Variants in SPOCK3 observed in about 807,000 individuals in gnomAD.
The protein encoded by SPOCK3 is testican-3.
In SPOCK3, 30 loss-of-function variants were observed where a neutral mutation model predicts 56.6. The ratio of observed to expected loss-of-function variants is 0.53; its 90% CI spans 0.40 to 0.72. SPOCK3 has a LOEUF of 0.72. SPOCK3 is among the 30% of genes least tolerant of loss of function. The pLI, the probability that SPOCK3 is intolerant of heterozygous loss-of-function variation, is 0.00. For synonymous variants in SPOCK3, 196 were observed against 183.3 expected, an observed-to-expected ratio of 1.07 and a Z score of -0.56; for missense variants, 527 against 530.0, an observed-to-expected ratio of 0.99 and a Z score of 0.06.
At chr4:166,739,993 T>A (rs1307685147) in intron 9 of SPOCK3, among the ~76,000 whole-genome samples, 7 of 152,182 alleles carry the variant, frequency 4.6e-5, no homozygotes. Flanking sequence ...AAATTCACTG[T>A]TGTCACATCT....
At chr4:167,060,512 A>C (rs1052061063) in intron 3 of SPOCK3, among the ~76,000 whole-genome samples, 1 of 152,042 alleles carries the variant, frequency 6.6e-6, no homozygotes, top group African/African-American at 2.4e-5. Flanking sequence ...AAACAAATAC[A>C]CATATCTCAA....
rs1368392643 is a variant in SPOCK3 at position 166,821,131 on chromosome 4, A to G, written c.590-28842T>C. On this transcript the variant is annotated intron_variant, in intron 6 of 10. Transcript: ENST00000357545. ...ACTTAAAATAATCCAGTTGAAATAG[A>G]AAAATCAAATTAAAAATATAAAACA... Among the ~76,000 whole-genome samples the G allele has an allele frequency of 2.0e-5, 3 of 152,084 alleles. No individual in the cohort carries two copies. The East Asian group carries it at 5.8e-4, about 29-fold the overall frequency.
intron 3 of SPOCK3, among the ~76,000 whole-genome samples, chr4:167,027,666 A>G (rs967537429): frequency 2.6e-4 from 39 of 152,072 alleles, no homozygotes; most frequent in African/African-American, 8.4e-4. Flanking sequence ...TTCTTTTTCT[A>G]TATTTCTACA....
intron 2 of SPOCK3, among the ~76,000 whole-genome samples, chr4:167,191,284 A>G (rs1732452874): frequency 6.8e-6 from 1 of 146,046 alleles, no homozygotes; most frequent in South Asian, 2.1e-4. Flanking sequence ...CAAAGCAAGA[A>G]AAGAATGAAG....
chr4:167,096,495 G>C (rs1759164966), intron 2 of SPOCK3, among the ~76,000 whole-genome samples: 1 of 151,592 alleles, frequency 6.6e-6, no homozygotes, highest in African/African-American at 2.4e-5. Flanking sequence ...TAAACATCTT[G>C]ATACTTCTCC....
Position 167,144,774 on chromosome 4 carries a change from ATGT to A in SPOCK3, c.190-82240_190-82238del, listed in dbSNP as rs1763804596. 7.7e-5 allele frequency among the ~76,000 whole-genome samples: 8 copies of A among 103,858 alleles called. 1 individual carries two copies. Among genetic ancestry groups the A allele is most frequent in the Admixed American group, 1.8e-4 (2 of 11,016 alleles). 68.1% of individuals were successfully genotyped at this position (103,858 alleles called of 152,430 possible). A position where few individuals can be genotyped will look rare whatever the true frequency, so the allele number is the denominator to read the frequency against. On this transcript the variant is annotated intron_variant, in intron 2 of 10. Transcript: ENST00000357545. ...GGAAACACAAGTGCAATTAATCTTGATGTGGAAGCAACATATCACATGTTTGAA... is the reference window on the plus strand; with the variant it reads ...GGAAACACAAGTGCAATTAATCTTGAGGAAGCAACATATCACATGTTTGAA...
chr4:166,904,490 C>T (rs905724373), intron 5 of SPOCK3, among the ~76,000 whole-genome samples: 1 of 151,980 alleles, frequency 6.6e-6, no homozygotes, highest in East Asian at 1.9e-4. Context: ...ACTTAATTAC[C>T]TAGAAACTTT....
chr4:166,753,383 A>G (rs1321412963), intron 8 of SPOCK3, among the ~76,000 whole-genome samples: 2 of 152,018 alleles, frequency 1.3e-5, no homozygotes, highest in African/African-American at 4.8e-5. Context: ...TATGTAATGT[A>G]GCCAACAATG....
intron 3 of SPOCK3, among the ~76,000 whole-genome samples, chr4:167,056,085 A>G (rs116399572): frequency 0.041 from 6,233 of 152,246 alleles, 182 homozygotes; most frequent in Middle Eastern, 0.078. Flanking sequence ...TCACATGGAC[A>G]GATACTCCTC....
chr4:166,767,825 A>G (rs921575745), intron 7 of SPOCK3, among the ~76,000 whole-genome samples: 5 of 152,162 alleles, frequency 3.3e-5, no homozygotes, highest in Non-Finnish European at 7.3e-5. Flanking sequence ...TGGGAGTCTA[A>G]GTCTCTTTGT....
At chr4:166,842,991 G>C (rs528320634) in intron 6 of SPOCK3, among the ~76,000 whole-genome samples, 1 of 152,194 alleles carries the variant, frequency 6.6e-6, no homozygotes, top group Non-Finnish European at 1.5e-5. Flanking sequence ...GCTGAGGCCC[G>C]GCGAGAATTC....
rs202226753 is a variant in SPOCK3, at chr4:166,834,805, CTCTT to C, written c.590-42520_590-42517del. Among the ~76,000 whole-genome samples the C allele has an allele frequency of 5.8e-3, 889 of 152,218 alleles. 7 individuals carry two copies. The highest frequency in any genetic ancestry group is 0.02 in the African/African-American group (841 of 41,546). On this transcript the variant is annotated intron_variant, in intron 6 of 10. Transcript: ENST00000357545. ...GATTCTAAGTAATGTTTTTCTCTCT[CTCTT>C]TCTCCCCCATCTTTTTTATCTCTCT...
chr4:167,089,599 T>C (rs1758525518), intron 2 of SPOCK3, among the ~76,000 whole-genome samples: 1 of 152,128 alleles, frequency 6.6e-6, no homozygotes. Flanking sequence ...CAAATCAGAC[T>C]TTTAAAAAAA....
In SPOCK3 at chr4:167,192,270, G is replaced by T. The variant is rs367952825; in HGVS notation, c.189+41715C>A. Among the ~76,000 whole-genome samples the T allele has an allele frequency of 1.2e-3, 172 of 145,600 alleles. 11 individuals are homozygous for T. In the South Asian group the frequency reaches 0.036, roughly 30 times the overall value. On this transcript the variant is annotated intron_variant, in intron 2 of 10. Transcript: ENST00000357545. Reference sequence around the variant, plus strand: ...ATTGTAATTTCCTCTTCTGGCTTTGGTATTACGCCTCATAATATTCCAACC... The same window carrying T: ...ATTGTAATTTCCTCTTCTGGCTTTGTTATTACGCCTCATAATATTCCAACC...
At chr4:167,114,454 A>G (rs911068356) in intron 2 of SPOCK3, among the ~76,000 whole-genome samples, 1 of 152,284 alleles carries the variant, frequency 6.6e-6, no homozygotes, top group Admixed American at 6.5e-5. Flanking sequence ...AGCCAAGATT[A>G]AATATACGAG....
At chr4:167,156,565 C>T (rs969656365) in intron 2 of SPOCK3, among the ~76,000 whole-genome samples, 1 of 152,112 alleles carries the variant, frequency 6.6e-6, no homozygotes, top group East Asian at 1.9e-4. Context: ...AACTACAAGA[C>T]ATAAATGAGT....
chr4:166,828,481 T>C (rs533885959), intron 6 of SPOCK3, among the ~76,000 whole-genome samples: 98 of 152,130 alleles, frequency 6.4e-4, no homozygotes, highest in South Asian at 3.5e-3. Context: ...TTGTGTAACT[T>C]ATCATATTAT....
chr4:166,891,588 A>G (rs1034876405), intron 5 of SPOCK3, among the ~76,000 whole-genome samples: 53 of 152,138 alleles, frequency 3.5e-4, no homozygotes, highest in African/African-American at 1.3e-3. Flanking sequence ...ATTGAAAAAA[A>G]AGATTTTGTC....
rs369209026 is a variant in SPOCK3, at chr4:166,754,737, C to CAA, written c.710-10_710-9dup. The CAA allele has an allele frequency of 1.3e-6, 2 of 1,596,570 alleles. No individual in the cohort carries two copies. Among genetic ancestry groups the CAA allele is most frequent in the Non-Finnish European group, 1.7e-6 (2 of 1,173,704 alleles). On this transcript the variant is annotated splice_polypyrimidine_tract_variant and intron_variant, in intron 7 of 10. Transcript: ENST00000357545. ...AGATGCTGGTATCGAATCCTAAAGG[C>CAA]AAAAAAAAGAAAATGATTAGTTAAA... is the stretch of plus-strand genomic sequence containing the variant.
Sources: allele counts gnomAD v4.1 joint callset (sites outside exome capture counted in the v4.1 genomes callset), GRCh38; gene constraint gnomAD v4.1.1; transcripts MANE v1.5; gene names NCBI Gene and HGNC (gene_info 2026-07-23, HGNC 2026-07-21).